The following RPA2 variants were observed in gnomAD, a reference collection of about 807,000 sequenced individuals.
RPA2 encodes the protein replication protein A2, also known as replication protein A 32 kDa subunit.
A neutral mutation model predicts 33.4 loss-of-function variants in RPA2; 22 were observed. That is an observed-to-expected ratio of 0.66 (90% CI 0.47 to 0.94). The LOEUF (loss-of-function observed/expected upper bound fraction) is 0.94, where lower values mean the gene tolerates loss of function less well. RPA2 is among the 40% of genes least tolerant of loss of function. The pLI is 0.00. For synonymous variants in RPA2, 109 were observed against 114.9 expected, an observed-to-expected ratio of 0.95 and a Z score of 0.33; for missense variants, 279 against 329.9, an observed-to-expected ratio of 0.85 and a Z score of 1.19.
intron 2 of RPA2, among the ~76,000 whole-genome samples, chr1:27,909,147 T>C (rs1255973373): frequency 1.3e-5 from 2 of 152,158 alleles, no homozygotes; most frequent in African/African-American, 4.8e-5. Context: ...ACAAAAACGA[T>C]GAGAGCTCTT....
intron 7 of RPA2, 36 bp from the exon 8 acceptor site, chr1:27,894,142 T>G (rs2089860392): frequency 1.3e-6 from 2 of 1,595,474 alleles, no homozygotes; most frequent in African/African-American, 1.3e-5. Flanking sequence ...TAGCAATTAT[T>G]TTGGATCAGC....
chr1:27,911,848 T>C (rs557657783), intron 2 of RPA2, among the ~76,000 whole-genome samples: 38 of 152,160 alleles, frequency 2.5e-4, no homozygotes, highest in Admixed American at 1.8e-3. Context: ...ATCCCAGCAC[T>C]TTGGGAGGCC....
chr1:27,907,038 T>C lies in RPA2; in HGVS notation c.223A>G (p.Thr75Ala), dbSNP rs1341377467. ...RIGNVEISQV[T>A]IVGIIRHAEK... The stretch of plus-strand genomic sequence containing the variant: ...GCATGTCTGATGATCCCCACAATAG[T>C]GACCTAGGTTAGAAGAAACAAAGAA... The change falls in exon 4 of 9, where the codon ACT becomes GCT. Residue 75 changes from threonine (T) to alanine (A), a missense_variant. Thr to Ala is a moderately conservative substitution (Grantham distance 58, BLOSUM62 0). Around this residue, in one of 2 missense-constraint regions of RPA2, gnomAD observed 274 missense variants for 310.3 expected, o/e 0.88. Coordinates refer to ENST00000373912, the MANE Select transcript of RPA2 (RefSeq NM_002946.5). The C allele has an allele frequency of 6.3e-7, 1 of 1,599,232 alleles. No individual in the cohort carries two copies. Among genetic ancestry groups the C allele is most frequent in the East Asian group, 2.2e-5 (1 of 44,792 alleles).
At chr1:27,909,733 G>A (rs747499406) in intron 2 of RPA2, among the ~76,000 whole-genome samples, 55 of 151,536 alleles carry the variant, frequency 3.6e-4, no homozygotes, top group Non-Finnish European at 5.7e-4. Context: ...AAAAAAGAGC[G>A]GTCGCTCTTG....
chr1:27,897,843 T>C lies in RPA2; in HGVS notation c.334-136A>G, dbSNP rs569546397. On this transcript the variant is annotated intron_variant, in intron 4 of 8. Transcript: ENST00000373912. ...AGGATCCTAAAATGGCATTAAGTAGTTTGCCCTGCCTTTTACAACTTATTT... is the reference window on the plus strand; with the variant it reads ...AGGATCCTAAAATGGCATTAAGTAGCTTGCCCTGCCTTTTACAACTTATTT... The C allele has an allele frequency of 2.3e-5, 11 of 484,106 alleles. No homozygotes were observed. In the South Asian group the frequency reaches 5.6e-4, roughly 25 times the overall value. The allele number at this position is 484,106 out of a possible 1,614,324, so 30.0% of individuals were successfully genotyped here.
chr1:27,894,532 T>A, intron 6 of RPA2, 135 bp from the exon 7 acceptor site: 1 of 635,908 alleles, frequency 1.6e-6, no homozygotes, highest in Non-Finnish European at 2.7e-6. Flanking sequence ...CTGCTTACAT[T>A]GGAGTGGACA....
chr1:27,909,280 G>A lies in RPA2; in HGVS notation c.118-1998C>T, dbSNP rs12075744. On this transcript the variant is annotated intron_variant, in intron 2 of 8. Transcript: ENST00000373912. ...CTCTGACCTGAACATCCACGACACT[G>A]CCAATATTTCATTTTGCTGAAGCAT... is the stretch of plus-strand genomic sequence containing the variant. 2.9e-3 allele frequency among the ~76,000 whole-genome samples: 437 copies of A among 152,284 alleles called. 1 individual carries two copies. Among genetic ancestry groups the A allele is most frequent in the African/African-American group, 9.9e-3 (413 of 41,570 alleles).
At chr1:27,914,322 C>T (rs1185408628) in intron 1 of RPA2, 112 bp downstream of exon 1, 1 of 1,612,194 alleles carries the variant, frequency 6.2e-7, no homozygotes, top group Non-Finnish European at 8.5e-7. Context: ...GCCCCAGCTC[C>T]GCTCCCGCCC....
rs796342513 is a variant in RPA2, at chr1:27,901,970, CAA to C, written c.334-4265_334-4264del. 2.7e-4 allele frequency among the ~76,000 whole-genome samples: 41 copies of C among 149,910 alleles called. 1 individual carries two copies. Among genetic ancestry groups the C allele is most frequent in the African/African-American group, 1.0e-3 (41 of 40,660 alleles). On this transcript the variant is annotated intron_variant, in intron 4 of 8. Transcript: ENST00000373912. ...AAAACACTGTTAGGGGAAGGGGAATCAAAGAGAAAATTTACAAAAACCCCACA... is the reference window on the plus strand; with the variant it reads ...AAAACACTGTTAGGGGAAGGGGAATCAGAGAAAATTTACAAAAACCCCACA...
intron 4 of RPA2, among the ~76,000 whole-genome samples, chr1:27,905,508 T>C (rs892414053): frequency 6.6e-6 from 1 of 152,054 alleles, no homozygotes; most frequent in Non-Finnish European, 1.5e-5. Context: ...CCAGGCTGGA[T>C]TCGAACTCCT....
chr1:27,896,179 G>A (rs959351496), intron 6 of RPA2, among the ~76,000 whole-genome samples: 3 of 152,026 alleles, frequency 2.0e-5, no homozygotes, highest in Non-Finnish European at 2.9e-5. Flanking sequence ...CAAAGTAGGC[G>A]CAATAAATAT....
chr1:27,907,172 T>C lies in RPA2; in HGVS notation c.219+9A>G, dbSNP rs1041712257. On this transcript the variant is annotated intron_variant, in intron 3 of 8. Coordinates refer to ENST00000373912, the MANE Select transcript of RPA2 (RefSeq NM_002946.5). ...AGTAAGTGATTCTTTCACAAATTAT[T>C]TGACATACCTGTGAAATCTCAACAT... 2.5e-6 allele frequency: 4 copies of C among 1,605,696 alleles called. No individual in the cohort carries two copies. Among genetic ancestry groups the C allele is most frequent in the Admixed American group, 1.7e-5 (1 of 57,538 alleles).
intron 2 of RPA2, among the ~76,000 whole-genome samples, chr1:27,907,555 G>A (rs770432057): frequency 6.6e-6 from 1 of 152,276 alleles, no homozygotes; most frequent in East Asian, 1.9e-4. Context: ...AGGTCAGAGT[G>A]GGGGACAGGA....
intron 4 of RPA2, among the ~76,000 whole-genome samples, chr1:27,898,090 G>A (rs2089915741): frequency 6.6e-6 from 1 of 151,964 alleles, no homozygotes; most frequent in Non-Finnish European, 1.5e-5. Flanking sequence ...TCCCAAGGGA[G>A]GGTTTGAGTA....
At chr1:27,908,875 C>T (rs1042683055) in intron 2 of RPA2, among the ~76,000 whole-genome samples, 6 of 152,168 alleles carry the variant, frequency 3.9e-5, no homozygotes, top group African/African-American at 1.4e-4. Flanking sequence ...GTCTGGGTAA[C>T]ATGAAGATGA....
chr1:27,898,976 G>A lies in RPA2; in HGVS notation c.334-1269C>T, dbSNP rs28905174. ...TTATCCTAGCACTTTAGGAGGACAA[G>A]GCAGGAGGATCCTTCGAGCTCAGGA... On this transcript the variant is annotated intron_variant, in intron 4 of 8. Transcript: ENST00000373912. 4.7e-4 allele frequency among the ~76,000 whole-genome samples: 72 copies of A among 152,304 alleles called. 3 individuals are homozygous for A. In the East Asian group the frequency reaches 0.014, roughly 29 times the overall value.
chr1:27,907,147 A>C, intron 3 of RPA2, 34 bp downstream of exon 3: 1 of 1,594,898 alleles, frequency 6.3e-7, no homozygotes, highest in Non-Finnish European at 8.6e-7. Context: ...CTTTATTATG[A>C]GTAAGTGATT....
At chr1:27,911,279 A>G (rs557958789) in intron 2 of RPA2, among the ~76,000 whole-genome samples, 6 of 152,026 alleles carry the variant, frequency 3.9e-5, no homozygotes, top group Admixed American at 3.3e-4. Context: ...TAATACCAGC[A>G]CCACGGGAGG....
At chr1:27,894,772 A>G (rs2089868797) in intron 6 of RPA2, among the ~76,000 whole-genome samples, 1 of 152,212 alleles carries the variant, frequency 6.6e-6, no homozygotes, top group Non-Finnish European at 1.5e-5. Context: ...CAGGCAGAGA[A>G]AAGGAGACAC....
Sources: allele counts gnomAD v4.1 joint callset (sites outside exome capture counted in the v4.1 genomes callset), GRCh38; gene constraint gnomAD v4.1.1; regional missense constraint gnomAD v4.1.1; transcripts MANE v1.5; gene names NCBI Gene and HGNC (gene_info 2026-07-23, HGNC 2026-07-21).